The following CLOCK variants were observed in gnomAD, a reference collection of about 807,000 sequenced individuals.
CLOCK encodes the protein clock circadian regulator.
In CLOCK, 43 loss-of-function variants were observed where a neutral mutation model predicts 118.4. The ratio of observed to expected loss-of-function variants is 0.36; its 90% CI spans 0.28 to 0.47. The LOEUF (loss-of-function observed/expected upper bound fraction) is 0.47, where lower values mean the gene tolerates loss of function less well. Among genes scored for constraint, CLOCK ranks in the 20% least tolerant of loss-of-function variants. The pLI is 1.00. For missense variants in CLOCK, 846 were observed against 999.9 expected, an observed-to-expected ratio of 0.85 and a Z score of 2.08; for synonymous variants, 326 against 339.2, an observed-to-expected ratio of 0.96 and a Z score of 0.43.
In CLOCK at chr4:55,515,027, T is replaced by C. The variant is rs1280578968; in HGVS notation, c.-289-4962A>G. 3.3e-5 allele frequency among the ~76,000 whole-genome samples: 5 copies of C among 152,322 alleles called. No individual in the cohort carries two copies. The East Asian group carries it at 9.6e-4, about 29-fold the overall frequency. ...ACCCATCTGGACCTGGTGATTTCTA[T>C]CTTAAAAGATTATAAATAATTGTTG... is the stretch of plus-strand genomic sequence containing the variant. On this transcript the variant is annotated intron_variant, in intron 1 of 22. Coordinates refer to ENST00000513440, the MANE Select transcript of CLOCK (RefSeq NM_004898.4).
chr4:55,462,851 A>T (rs62303714), intron 9 of CLOCK, among the ~76,000 whole-genome samples: 104,046 of 151,306 alleles, frequency 0.69, 35,975 homozygotes, highest in South Asian at 0.81. Context: ...GATTTGTGTG[A>T]GTGTGTGTGT....
intron 13 of CLOCK, among the ~76,000 whole-genome samples, chr4:55,455,693 T>G (rs969341206): frequency 2.0e-5 from 3 of 152,188 alleles, no homozygotes; most frequent in Non-Finnish European, 4.4e-5. Flanking sequence ...TATTATAAAA[T>G]TCTACTTATT....
At chr4:55,542,911 C>T (rs1168410242) in intron 1 of CLOCK, among the ~76,000 whole-genome samples, 1 of 152,122 alleles carries the variant, frequency 6.6e-6, no homozygotes, top group African/African-American at 2.4e-5. Context: ...AAAACTTGGA[C>T]TCTAAAGAGT....
chr4:55,523,381 C>A (rs1729964610), intron 1 of CLOCK, among the ~76,000 whole-genome samples: 1 of 152,150 alleles, frequency 6.6e-6, no homozygotes, highest in Admixed American at 6.5e-5. Flanking sequence ...AGTATCAAGT[C>A]AACCCTCAGG....
At position 55,443,831 on chromosome 4, in the gene CLOCK, T is replaced by A. The variant is rs2109693514; in HGVS notation, c.1758A>T (p.Ser586=). 2 of 1,613,916 alleles carry A rather than the reference T, an allele frequency of 1.2e-6. No individual in the cohort carries two copies. The highest frequency in any genetic ancestry group is 1.7e-4 in the Middle Eastern group (1 of 5,934). The change falls in exon 20 of 23, where the codon TCA becomes TCT. Residue 586 remains serine, a synonymous_variant. Transcript: ENST00000513440. ...FGSVQLSSGN[S]SNIQQLAPIN... is the part of the protein sequence containing the mutation. ...TAGGTGCAAGTTGCTGGATATTAGA[T>A]GAATTTCCAGAAGAAAGTTGAACGG...
At chr4:55,438,728 T>C (rs1367361035) in intron 21 of CLOCK, among the ~76,000 whole-genome samples, 191 bp from the exon 22 acceptor site, 1 of 152,184 alleles carries the variant, frequency 6.6e-6, no homozygotes, top group Non-Finnish European at 1.5e-5. Context: ...AAAAAATTCA[T>C]ACAGCAAGAT....
Position 55,453,046 on chromosome 4 carries a change from A to C in CLOCK, c.1206+8T>G. ...AAAAATAATTTTTTTTAATTATAAGAAACATACTTTGTCAGCAGCTGTCTC... is the reference window on the plus strand; with the variant it reads ...AAAAATAATTTTTTTTAATTATAAGCAACATACTTTGTCAGCAGCTGTCTC... On this transcript the variant is annotated splice_region_variant and intron_variant, in intron 15 of 22. Transcript: ENST00000513440. The C allele has an allele frequency of 6.3e-7, 1 of 1,596,330 alleles. No homozygotes were observed. Among genetic ancestry groups the C allele is most frequent in the Non-Finnish European group, 8.6e-7 (1 of 1,166,364 alleles).
chr4:55,479,105 C>T, intron 5 of CLOCK, 142 bp from the exon 6 acceptor site: 1 of 652,624 alleles, frequency 1.5e-6, no homozygotes, highest in Non-Finnish European at 2.4e-6. Flanking sequence ...TACCAATATA[C>T]AGTTAATTTG....
intron 4 of CLOCK, among the ~76,000 whole-genome samples, chr4:55,482,373 A>C (rs1339156437): frequency 1.3e-5 from 2 of 152,238 alleles, no homozygotes; most frequent in Non-Finnish European, 2.9e-5. Context: ...ACTTCTTATC[A>C]GTCACAAATG....
At chr4:55,470,333 T>C (rs937160303) in intron 8 of CLOCK, among the ~76,000 whole-genome samples, 2 of 152,290 alleles carry the variant, frequency 1.3e-5, no homozygotes, top group African/African-American at 2.4e-5. Context: ...CAACTGCCTA[T>C]AGTAGTATTC....
At chr4:55,521,871 A>C (rs1729866650) in intron 1 of CLOCK, among the ~76,000 whole-genome samples, 1 of 152,236 alleles carries the variant, frequency 6.6e-6, no homozygotes, top group African/African-American at 2.4e-5. Flanking sequence ...GGAAGAGCAA[A>C]AGGCTAAGAA....
At chr4:55,525,405 T>C (rs1354302112) in intron 1 of CLOCK, among the ~76,000 whole-genome samples, 1 of 152,124 alleles carries the variant, frequency 6.6e-6, no homozygotes, top group African/African-American at 2.4e-5. Flanking sequence ...AGCCCAGGAA[T>C]TGGTAATTAT....
At chr4:55,469,873 T>TA (rs771080292) in intron 8 of CLOCK, among the ~76,000 whole-genome samples, 120 of 152,230 alleles carry the variant, frequency 7.9e-4, no homozygotes, top group Non-Finnish European at 1.6e-3. Context: ...GACACTTGGC[T>TA]AATTTTTATG....
At chr4:55,435,667 T>C (rs1722822078) in intron 22 of CLOCK, 73 bp from the exon 23 acceptor site, 1 of 1,468,428 alleles carries the variant, frequency 6.8e-7, no homozygotes, top group Non-Finnish European at 9.5e-7. Flanking sequence ...ACTCACACTC[T>C]CCCCTGTCCA....
chr4:55,456,475 A>C (rs1724929332), intron 11 of CLOCK, among the ~76,000 whole-genome samples, 175 bp from the exon 12 acceptor site: 1 of 152,144 alleles, frequency 6.6e-6, no homozygotes, highest in Non-Finnish European at 1.5e-5. Context: ...CAGCCTGGCC[A>C]ACATGGTGAA....
At chr4:55,461,655 A>G (rs1214839407) in intron 9 of CLOCK, among the ~76,000 whole-genome samples, 1 of 152,186 alleles carries the variant, frequency 6.6e-6, no homozygotes, top group Non-Finnish European at 1.5e-5. Context: ...TTGAGCCACT[A>G]TGATGAGAAA....
chr4:55,440,453 G>C (rs1467582451), intron 21 of CLOCK, among the ~76,000 whole-genome samples: 1 of 152,126 alleles, frequency 6.6e-6, no homozygotes, highest in Non-Finnish European at 1.5e-5. Flanking sequence ...TCATTACAGT[G>C]AGATATGACA....
intron 1 of CLOCK, among the ~76,000 whole-genome samples, chr4:55,512,086 A>G (rs954479987): frequency 6.6e-6 from 1 of 151,938 alleles, no homozygotes; most frequent in East Asian, 1.9e-4. Flanking sequence ...AGATTTTTGT[A>G]TGGATAGAAA....
At chr4:55,529,551 T>C (rs578148728) in intron 1 of CLOCK, among the ~76,000 whole-genome samples, 1 of 152,224 alleles carries the variant, frequency 6.6e-6, no homozygotes, top group East Asian at 1.9e-4. Flanking sequence ...AACAAAGTAT[T>C]CTCAAAGGAC....
Sources: gnomAD v4.1 joint callset for allele counts (sites outside exome capture counted in the v4.1 genomes callset) on GRCh38, gnomAD v4.1.1 for gene constraint, MANE v1.5 for transcripts, NCBI Gene and HGNC (gene_info 2026-07-23, HGNC 2026-07-21) for gene names.